SPAG9: variants seen among roughly 807,000 people sequenced by gnomAD.
SPAG9 encodes the protein C-Jun-amino-terminal kinase-interacting protein 4.
Under a neutral mutation model 166.5 loss-of-function variants are expected in SPAG9, and 35 were observed. That is an observed-to-expected ratio of 0.21 (90% confidence interval 0.16 to 0.28). The LOEUF is 0.28. Among genes scored for constraint, SPAG9 ranks in the 10% least tolerant of loss-of-function variants. SPAG9 has a pLI of 1.00. For synonymous variants in SPAG9, 534 were observed against 565.5 expected, an observed-to-expected ratio of 0.94 and a Z score of 0.79; for missense variants, 1,235 against 1,603.3, an observed-to-expected ratio of 0.77 and a Z score of 3.92.
intron 1 of SPAG9, among the ~76,000 whole-genome samples, chr17:51,109,378 A>C (rs1446181841): frequency 3.3e-5 from 5 of 151,810 alleles, no homozygotes; most frequent in Non-Finnish European, 7.4e-5. Context: ...CTGGGATTAC[A>C]GGCACACACC....
rs769787369 is a variant in SPAG9, at chr17:51,023,337, C to T, written c.784-1972G>A. 3 of 196,246 alleles carry T rather than the reference C, an allele frequency of 1.5e-5. No individual in the cohort carries two copies. In the East Asian group the frequency reaches 5.1e-4, roughly 33 times the overall value. The allele number at this position is 196,246 out of a possible 1,614,324, so 12.2% of individuals were successfully genotyped here. ...ATATTTTAATTATAAATTATATATA[C>T]TATATATAATTCCCTTAAGGGAGTA... On this transcript the variant is annotated intron_variant, in intron 6 of 29. Coordinates refer to ENST00000262013, the MANE Select transcript of SPAG9 (RefSeq NM_001130528.3).
rs1266326149 is a variant in SPAG9 at position 50,984,599 on chromosome 17, TGGTGTGAA to T, written c.3088+316_3088+323del. 8.6e-5 allele frequency among the ~76,000 whole-genome samples: 13 copies of T among 152,006 alleles called. No individual in the cohort carries two copies. The East Asian group carries it at 2.5e-3, about 30-fold the overall frequency. ...TACTCGGGAGGCTGAGGCAGGAGAG[TGGTGTGAA>T]CCCGGGAGGCGGAGCTTGCAGTGAG... On this transcript the variant is annotated intron_variant, in intron 24 of 29. Transcript: ENST00000262013.
At chr17:50,983,498 G>A (rs1371312049) in intron 24 of SPAG9, among the ~76,000 whole-genome samples, 2 of 152,150 alleles carry the variant, frequency 1.3e-5, no homozygotes, top group African/African-American at 4.8e-5. Context: ...CACCAGCCTT[G>A]TCTTTGAGGC....
intron 1 of SPAG9, among the ~76,000 whole-genome samples, chr17:51,084,723 T>C (rs1379385310): frequency 2.6e-5 from 4 of 152,278 alleles, no homozygotes; most frequent in South Asian, 4.1e-4. Flanking sequence ...AATTCTTATA[T>C]TAGGCACCTC....
At chr17:50,981,403 T>TGGAG (rs1974591237) in intron 25 of SPAG9, among the ~76,000 whole-genome samples, 1 of 151,308 alleles carries the variant, frequency 6.6e-6, no homozygotes, top group Non-Finnish European at 1.5e-5. Flanking sequence ...GATGGATGGA[T>TGGAG]GGATGGATGG....
Position 51,025,165 on chromosome 17 carries a change from A to G in SPAG9, c.784-3800T>C, listed in dbSNP as rs139881762. On this transcript the variant is annotated intron_variant, in intron 6 of 29. Transcript: ENST00000262013. ...GAAACCCCGTCTCTACTAAAAATACAAAAATTAGCCAGGCATGGTGGCACA... is the reference window on the plus strand; with the variant it reads ...GAAACCCCGTCTCTACTAAAAATACGAAAATTAGCCAGGCATGGTGGCACA... Among the ~76,000 whole-genome samples the G allele has an allele frequency of 5.0e-3, 762 of 151,802 alleles. 8 individuals carry two copies. The highest frequency in any genetic ancestry group is 0.017 in the African/African-American group (722 of 41,358).
intron 2 of SPAG9, among the ~76,000 whole-genome samples, chr17:51,060,681 C>T (rs1244281220): frequency 6.6e-6 from 1 of 151,858 alleles, no homozygotes; most frequent in Non-Finnish European, 1.5e-5. Flanking sequence ...GGAGAAAGGC[C>T]TCAGGAGAAA....
At chr17:51,017,477 T>G (rs1029018074) in intron 8 of SPAG9, among the ~76,000 whole-genome samples, 1 of 151,708 alleles carries the variant, frequency 6.6e-6, no homozygotes, top group Admixed American at 6.6e-5. Context: ...CAGGGTGATG[T>G]AGGATCCAGG....
At chr17:51,095,065 G>T (rs1439827089) in intron 1 of SPAG9, among the ~76,000 whole-genome samples, 1 of 152,094 alleles carries the variant, frequency 6.6e-6, no homozygotes, top group Non-Finnish European at 1.5e-5. Flanking sequence ...GGAGGCCGAG[G>T]TGCATGGATC....
intron 16 of SPAG9, 109 bp downstream of exon 16, chr17:50,996,456 G>T (rs145163106): frequency 1.6e-6 from 2 of 1,279,770 alleles, no homozygotes; most frequent in Non-Finnish European, 2.2e-6. Flanking sequence ...CAGTCCATGC[G>T]GCTGAGATGA....
At chr17:51,056,576 T>C (rs899620305) in intron 2 of SPAG9, 94 bp from the exon 3 acceptor site, 15 of 755,166 alleles carry the variant, frequency 2.0e-5, no homozygotes, top group African/African-American at 3.5e-5. Flanking sequence ...CCATAATCCT[T>C]AGCAACTTTC....
chr17:50,973,146 T>G (rs1008929338), intron 28 of SPAG9, among the ~76,000 whole-genome samples: 1 of 152,320 alleles, frequency 6.6e-6, no homozygotes, highest in Non-Finnish European at 1.5e-5. Context: ...AGAAGCAAGT[T>G]GTAGAAGCAT....
At chr17:51,072,317 C>T (rs1309613504) in intron 2 of SPAG9, among the ~76,000 whole-genome samples, 2 of 149,384 alleles carry the variant, frequency 1.3e-5, no homozygotes, top group East Asian at 2.0e-4. Context: ...GGTGATACGC[C>T]TGCCTCGGCC....
chr17:51,033,392 G>A (rs1252258599), intron 5 of SPAG9, among the ~76,000 whole-genome samples: 4 of 151,400 alleles, frequency 2.6e-5, no homozygotes, highest in Admixed American at 2.6e-4. Context: ...ATGTGCACCT[G>A]TAAAGAAAAA....
intron 6 of SPAG9, chr17:51,023,282 TTA>T: frequency 6.7e-6 from 1 of 150,334 alleles, no homozygotes; most frequent in Admixed American, 6.7e-5. Flanking sequence ...TAATACATAA[TTA>T]TATATTTTTA....
chr17:51,012,770 C>T (rs748982833), intron 9 of SPAG9, among the ~76,000 whole-genome samples: 11 of 142,996 alleles, frequency 7.7e-5, no homozygotes, highest in Non-Finnish European at 1.2e-4. Flanking sequence ...TTTTATGAGA[C>T]GGGATCTGGC....
chr17:51,087,946 T>A (rs1481514805), intron 1 of SPAG9, among the ~76,000 whole-genome samples: 3 of 152,098 alleles, frequency 2.0e-5, no homozygotes, highest in African/African-American at 7.2e-5. Context: ...GGTCTCACCA[T>A]GTTGCCCAGC....
chr17:51,066,567 G>GAAAAAAAAAAAAAAA (rs71149340), intron 2 of SPAG9, among the ~76,000 whole-genome samples: 9 of 110,838 alleles, frequency 8.1e-5, no homozygotes, highest in African/African-American at 1.1e-4. Context: ...AAAAAAAAAA[G>GAAAAAAAAAAAAAAA]AAAAAAAAAA....
intron 1 of SPAG9, among the ~76,000 whole-genome samples, chr17:51,081,964 T>G (rs968519651): frequency 6.6e-6 from 1 of 152,182 alleles, no homozygotes; most frequent in Non-Finnish European, 1.5e-5. Context: ...ACTTGCTTCC[T>G]ACTACCTAGA....
Sources: gnomAD v4.1 joint callset for allele counts (sites outside exome capture counted in the v4.1 genomes callset) on GRCh38, gnomAD v4.1.1 for gene constraint, MANE v1.5 for transcripts, NCBI Gene and HGNC (gene_info 2026-07-23, HGNC 2026-07-21) for gene names.